LRRC37A2: variants seen among roughly 807,000 people sequenced by gnomAD.
LRRC37A2 encodes leucine rich repeat containing 37 member A2, also known as leucine-rich repeat-containing protein 37A2.
A neutral mutation model predicts 68.8 loss-of-function variants in LRRC37A2; 9 were observed. The ratio of observed to expected loss-of-function variants is 0.13; its 90% CI spans 0.08 to 0.23. LRRC37A2 has a LOEUF of 0.23. Ranked by LOEUF, LRRC37A2 falls within the 10% of genes least tolerant of loss-of-function variation. The pLI, the probability that LRRC37A2 is intolerant of heterozygous loss-of-function variation, is 1.00. For missense variants in LRRC37A2, 168 were observed against 950.4 expected, an observed-to-expected ratio of 0.18 and a Z score of 10.82; for synonymous variants, 63 against 367.6, an observed-to-expected ratio of 0.17 and a Z score of 9.48.
At chr17:46,876,006 G>A in the LRRC37A2 span, among the ~76,000 whole-genome samples, 21 of 152,188 alleles carry the variant, frequency 1.4e-4, no homozygotes, top group Non-Finnish European at 1.5e-5. Context: ...CACTGAGTTG[G>A]TGTGAACCGG....
chr17:46,856,833 C>T, the LRRC37A2 span, among the ~76,000 whole-genome samples: 1 of 152,170 alleles, frequency 6.6e-6, no homozygotes, highest in African/African-American at 2.4e-5. Context: ...AATTATACAC[C>T]TGTGTAACAC....
the LRRC37A2 span, among the ~76,000 whole-genome samples, chr17:46,796,333 C>G: frequency 3.3e-5 from 5 of 152,350 alleles, no homozygotes; most frequent in African/African-American, 1.2e-4. Flanking sequence ...GTGACATCCT[C>G]TATGCCAGGC....
At chr17:46,756,721 C>T in the LRRC37A2 span, 1 of 152,584 alleles carries the variant, frequency 6.6e-6, no homozygotes, top group African/African-American at 2.4e-5. Flanking sequence ...AGCTTAATGA[C>T]TTACTTAGAA....
chr17:47,012,840 T>G, the LRRC37A2 span, among the ~76,000 whole-genome samples: 2 of 152,092 alleles, frequency 1.3e-5, no homozygotes, highest in Non-Finnish European at 2.9e-5. Context: ...AAACCTAGGG[T>G]TACCCCATGA....
At chr17:47,005,127 T>C in the LRRC37A2 span, among the ~76,000 whole-genome samples, 1 of 152,236 alleles carries the variant, frequency 6.6e-6, no homozygotes, top group African/African-American at 2.4e-5. Flanking sequence ...TTCCCCTGGA[T>C]CCAAGTAAAT....
chr17:46,815,909 A>G, the LRRC37A2 span, among the ~76,000 whole-genome samples: 1 of 152,138 alleles, frequency 6.6e-6, no homozygotes, highest in Non-Finnish European at 1.5e-5. Flanking sequence ...CTGCAAAGAT[A>G]TTCACAGCCA....
the LRRC37A2 span, among the ~76,000 whole-genome samples, chr17:46,719,991 ATCT>A: frequency 3.3e-5 from 5 of 152,210 alleles, no homozygotes; most frequent in Admixed American, 1.3e-4. The surrounding 1 kb of genome is among the most constrained non-coding windows in gnomAD (Gnocchi z 4.3). Flanking sequence ...GAAAGAAATA[ATCT>A]TCTTTGAATA....
the LRRC37A2 span, among the ~76,000 whole-genome samples, chr17:46,810,298 T>C: frequency 6.9e-4 from 105 of 152,270 alleles, 1 homozygote; most frequent in African/African-American, 2.0e-3. Context: ...GTAAGCCCCA[T>C]GCCCAGCCTT....
At chr17:46,756,532 A>G in the LRRC37A2 span, 1 of 152,352 alleles carries the variant, frequency 6.6e-6, no homozygotes, top group Non-Finnish European at 1.5e-5. Flanking sequence ...CATTATTACC[A>G]CTTAGAAGAT....
chr17:46,823,022 T>C, the LRRC37A2 span, among the ~76,000 whole-genome samples: 2 of 133,984 alleles, frequency 1.5e-5, no homozygotes, highest in African/African-American at 2.8e-5. Flanking sequence ...ATAATAAATA[T>C]GTATTTATAA....
chr17:46,912,402 G>A, the LRRC37A2 span, among the ~76,000 whole-genome samples: 1 of 152,190 alleles, frequency 6.6e-6, no homozygotes, highest in South Asian at 2.1e-4. Context: ...CGATGACCTG[G>A]GGACATATTA....
chr17:46,404,777 G>T, the LRRC37A2 span, among the ~76,000 whole-genome samples: 2 of 94,518 alleles, frequency 2.1e-5, no homozygotes, highest in Non-Finnish European at 2.6e-5. Context: ...GGCTGAGGCA[G>T]GAGAATAGCG....
the LRRC37A2 span, among the ~76,000 whole-genome samples, chr17:46,855,616 C>T: frequency 6.6e-6 from 1 of 152,206 alleles, no homozygotes; most frequent in Non-Finnish European, 1.5e-5. Flanking sequence ...CAAATGTTAA[C>T]TTCTGTGATG....
At chr17:46,856,488 C>CTT in the LRRC37A2 span, among the ~76,000 whole-genome samples, 4 of 143,096 alleles carry the variant, frequency 2.8e-5, no homozygotes, top group Non-Finnish European at 4.6e-5. Flanking sequence ...CTTTTTCTTT[C>CTT]TTTTTTTTTT....
chr17:46,968,092 G>A, the LRRC37A2 span, among the ~76,000 whole-genome samples: 1 of 152,062 alleles, frequency 6.6e-6, no homozygotes, highest in African/African-American at 2.4e-5. Context: ...ATATGGCATG[G>A]CCCAGTGCAG....
At chr17:46,970,535 C>CAAAAAAAAAAAAAAAAAAAAAA in the LRRC37A2 span, among the ~76,000 whole-genome samples, 1 of 51,170 alleles carries the variant, frequency 2.0e-5, no homozygotes. Flanking sequence ...GACTCCATCT[C>CAAAAAAAAAAAAAAAAAAAAAA]AAAAAAAAAA....
At chr17:46,925,894 A>G in the LRRC37A2 span, among the ~76,000 whole-genome samples, 1 of 152,224 alleles carries the variant, frequency 6.6e-6, no homozygotes, top group Non-Finnish European at 1.5e-5. Flanking sequence ...TTACACTTAA[A>G]TGTTTAATTT....
the LRRC37A2 span, chr17:46,941,438 G>T: frequency 9.1e-6 from 9 of 984,446 alleles, no homozygotes; most frequent in Non-Finnish European, 1.1e-5. Flanking sequence ...CTAGGCCAGA[G>T]ATTCTCAAAC....
chr17:46,943,140 A>G, the LRRC37A2 span, among the ~76,000 whole-genome samples: 3 of 152,160 alleles, frequency 2.0e-5, no homozygotes, highest in Non-Finnish European at 4.4e-5. Flanking sequence ...CATCAACCCA[A>G]GGCTAGCCCG....
Sources: gnomAD v4.1 joint callset for allele counts (sites outside exome capture counted in the v4.1 genomes callset) on GRCh38, gnomAD v4.1.1 for gene constraint, Gnocchi (gnomAD v3.1) non-coding constraint, MANE v1.5 for transcripts, NCBI Gene and HGNC (gene_info 2026-07-23, HGNC 2026-07-21) for gene names.